Variants in ANP32B observed in about 807,000 individuals in gnomAD.
ANP32B encodes acidic leucine-rich nuclear phosphoprotein 32 family member B.
A neutral mutation model predicts 32.2 loss-of-function variants in ANP32B; 6 were observed. The observed-to-expected ratio is 0.19, with a 90% CI of 0.10 to 0.37. The LOEUF (loss-of-function observed/expected upper bound fraction) is 0.37, where lower values mean the gene tolerates loss of function less well. ANP32B is among the 10% of genes least tolerant of loss of function. ANP32B has a pLI of 1.00. For synonymous variants in ANP32B, 98 were observed against 105.8 expected, an observed-to-expected ratio of 0.93 and a Z score of 0.45; for missense variants, 204 against 289.2, an observed-to-expected ratio of 0.71 and a Z score of 2.14.
At chr9:98,008,800 T>C (rs1828131879) in intron 4 of ANP32B, among the ~76,000 whole-genome samples, 1 of 152,200 alleles carries the variant, frequency 6.6e-6, no homozygotes. Context: ...ATGAGTTGTA[T>C]AATTATATCA....
intron 1 of ANP32B, among the ~76,000 whole-genome samples, chr9:97,993,316 A>AG (rs1294321424): frequency 6.6e-6 from 1 of 152,234 alleles, no homozygotes; most frequent in Non-Finnish European, 1.5e-5. Flanking sequence ...TATAATTGAT[A>AG]GCAATTACTA....
Position 98,015,870 on chromosome 9 carries a change from G to A in ANP32B, c.*439G>A. 2.1e-6 allele frequency: 2 copies of A among 963,126 alleles called. No individual in the cohort carries two copies. The highest frequency in any genetic ancestry group is 2.5e-6 in the Non-Finnish European group (2 of 809,642). 59.7% of individuals were successfully genotyped at this position (963,126 alleles called of 1,614,324 possible). On this transcript the variant is annotated 3_prime_UTR_variant, in exon 7 of 7. Transcript: ENST00000339399. Reference sequence around the variant, plus strand: ...ATTATTATTATTTTTTTTACATTAGGACATTTTATGTGACAACTGCCAAAA... The same window carrying A: ...ATTATTATTATTTTTTTTACATTAGAACATTTTATGTGACAACTGCCAAAA...
At chr9:97,988,451 A>G (rs1827773756) in intron 1 of ANP32B, among the ~76,000 whole-genome samples, 1 of 152,196 alleles carries the variant, frequency 6.6e-6, no homozygotes, top group African/African-American at 2.4e-5. Context: ...CAGGCTGGGC[A>G]CAGTGGCTCG....
At chr9:97,985,324 C>A (rs1564134330) in intron 1 of ANP32B, among the ~76,000 whole-genome samples, 1 of 151,790 alleles carries the variant, frequency 6.6e-6, no homozygotes, top group African/African-American at 2.4e-5. Context: ...ACCACTAACG[C>A]GGGGCGGGCC....
At chr9:97,983,716 G>C (rs1827639111) in intron 1 of ANP32B, 107 bp downstream of exon 1, 1 of 873,440 alleles carries the variant, frequency 1.1e-6, no homozygotes, top group Non-Finnish European at 1.6e-6. Context: ...GCGGGGAAGA[G>C]CGCAGCTCGT....
At chr9:98,006,311 C>T (rs1256667197) in intron 4 of ANP32B, among the ~76,000 whole-genome samples, 2 of 152,204 alleles carry the variant, frequency 1.3e-5, no homozygotes, top group Non-Finnish European at 2.9e-5. Flanking sequence ...TTCAGTTGTA[C>T]AGCTGTATCT....
chr9:98,015,345 A>G lies in ANP32B; in HGVS notation c.689-19A>G. The G allele has an allele frequency of 5.2e-6, 8 of 1,550,514 alleles. No individual in the cohort carries two copies. The highest frequency in any genetic ancestry group is 7.0e-6 in the Non-Finnish European group (8 of 1,146,482). On this transcript the variant is annotated intron_variant, in intron 6 of 6. Transcript: ENST00000339399. ...AATGCCTTTCCACTGTCCTAAAGTC[A>G]ATTTTTGTTACTGTACAGAGGAGGA...
chr9:98,011,502 C>T, intron 5 of ANP32B, 113 bp downstream of exon 5: 1 of 1,380,770 alleles, frequency 7.2e-7, no homozygotes, highest in Non-Finnish European at 9.7e-7. Context: ...ATTAGTATAC[C>T]TGTGAATACA....
intron 3 of ANP32B, among the ~76,000 whole-genome samples, chr9:98,001,868 G>C (rs760598652): frequency 6.6e-6 from 1 of 151,894 alleles, no homozygotes. Context: ...AAAAACCTTC[G>C]ATACAAAGTG....
At chr9:97,996,614 A>G (rs995598783) in intron 2 of ANP32B, among the ~76,000 whole-genome samples, 14 of 152,070 alleles carry the variant, frequency 9.2e-5, no homozygotes, top group Non-Finnish European at 1.9e-4. Context: ...TGTTTTTGAG[A>G]TGGAGTTTAA....
At chr9:97,983,707 C>G (rs1002013857) in intron 1 of ANP32B, 98 bp downstream of exon 1, 2 of 1,000,278 alleles carry the variant, frequency 2.0e-6, no homozygotes, top group African/African-American at 3.4e-5. Context: ...GGCCCCGGCG[C>G]GGGGAAGAGC....
intron 4 of ANP32B, among the ~76,000 whole-genome samples, chr9:98,010,305 A>G (rs1828161796): frequency 6.8e-6 from 1 of 146,322 alleles, no homozygotes; most frequent in Admixed American, 6.9e-5. Context: ...TAAATAGGCT[A>G]GGTATGGTGG....
intron 6 of ANP32B, among the ~76,000 whole-genome samples, chr9:98,014,614 T>TA (rs1459319189): frequency 6.6e-6 from 1 of 152,238 alleles, no homozygotes; most frequent in Non-Finnish European, 1.5e-5. Flanking sequence ...TTTTGTGTGT[T>TA]ATTTAATTCT....
chr9:97,989,523 C>G (rs537844269), intron 1 of ANP32B, among the ~76,000 whole-genome samples: 30 of 152,020 alleles, frequency 2.0e-4, no homozygotes, highest in African/African-American at 7.3e-4. Flanking sequence ...CAAATAGATC[C>G]CTCAGATTTA....
intron 3 of ANP32B, among the ~76,000 whole-genome samples, chr9:97,999,933 C>T (rs142293651): frequency 6.6e-6 from 1 of 152,232 alleles, no homozygotes; most frequent in East Asian, 1.9e-4. Context: ...TCTGTTGTCT[C>T]TATTCTGATG....
At chr9:97,992,579 G>A (rs1827846144) in intron 1 of ANP32B, among the ~76,000 whole-genome samples, 1 of 152,088 alleles carries the variant, frequency 6.6e-6, no homozygotes, top group African/African-American at 2.4e-5. Context: ...GGTGTATTTT[G>A]TATAACGTTT....
At chr9:97,990,814 C>CTT (rs34489949) in intron 1 of ANP32B, among the ~76,000 whole-genome samples, 1,817 of 98,826 alleles carry the variant, frequency 0.018, 30 homozygotes, top group East Asian at 0.045. Context: ...ACAGTTGAAC[C>CTT]TTTTTTTTTT....
intron 4 of ANP32B, among the ~76,000 whole-genome samples, chr9:98,009,195 G>A (rs1828138581): frequency 6.6e-6 from 1 of 152,160 alleles, no homozygotes; most frequent in Non-Finnish European, 1.5e-5. Context: ...AGAATTAAAA[G>A]ATGATTTTCA....
chr9:98,000,789 G>A (rs941392381), intron 3 of ANP32B, among the ~76,000 whole-genome samples: 3 of 151,948 alleles, frequency 2.0e-5, no homozygotes, highest in Non-Finnish European at 4.4e-5. Flanking sequence ...AGGCGTGGTG[G>A]CAGGCGCCTA....
Sources: allele counts gnomAD v4.1 joint callset (sites outside exome capture counted in the v4.1 genomes callset), GRCh38; gene constraint gnomAD v4.1.1; transcripts MANE v1.5; gene names NCBI Gene and HGNC (gene_info 2026-07-23, HGNC 2026-07-21).